The following UCHL3 variants were observed in gnomAD, a reference collection of about 807,000 sequenced individuals.
The protein encoded by UCHL3 is ubiquitin C-terminal hydrolase L3, also known as ubiquitin carboxyl-terminal hydrolase isozyme L3.
Under a neutral mutation model 35.8 loss-of-function variants are expected in UCHL3, and 22 were observed. That is an observed-to-expected ratio of 0.61 (90% CI 0.44 to 0.88). The LOEUF is 0.88. UCHL3 is among the 40% of genes least tolerant of loss of function. The probability of loss-of-function intolerance (pLI) is 0.00; values close to 1 mark genes in which losing one functional copy is unlikely to be tolerated. For synonymous variants in UCHL3, 90 were observed against 92.8 expected, an observed-to-expected ratio of 0.97 and a Z score of 0.17; for missense variants, 229 against 276.9, an observed-to-expected ratio of 0.83 and a Z score of 1.23.
intron 6 of UCHL3, among the ~76,000 whole-genome samples, chr13:75,584,932 A>T (rs2032282113): frequency 6.6e-6 from 1 of 152,124 alleles, no homozygotes; most frequent in East Asian, 1.9e-4. Context: ...GGAAAAAAAT[A>T]GTGGAAAAGA....
intron 2 of UCHL3, among the ~76,000 whole-genome samples, chr13:75,559,012 T>TCTC (rs2031388528): frequency 6.7e-6 from 1 of 150,114 alleles, no homozygotes; most frequent in African/African-American, 2.5e-5. Flanking sequence ...AGCCCATTGA[T>TCTC]CTCCTCAGCC....
Position 75,560,735 on chromosome 13 carries a change from C to A in UCHL3, c.55-18C>A. 6.5e-7 allele frequency: 1 copy of A among 1,540,310 alleles called. No homozygotes were observed. The highest frequency in any genetic ancestry group is 1.2e-5 in the South Asian group (1 of 82,156). Reference sequence around the variant, plus strand: ...ACTAATGTTCCATTGTTTTTTTTTTCTTTCTTTCTTTTACCAGTTTCTTAA... The same window carrying A: ...ACTAATGTTCCATTGTTTTTTTTTTATTTCTTTCTTTTACCAGTTTCTTAA... On this transcript the variant is annotated intron_variant, in intron 2 of 8. Transcript: ENST00000377595.
At chr13:75,569,624 T>C (rs547061762) in intron 6 of UCHL3, 117 bp downstream of exon 6, 3 of 969,078 alleles carry the variant, frequency 3.1e-6, no homozygotes, top group Non-Finnish European at 4.4e-6. Flanking sequence ...TTACTTGGCT[T>C]TTTGTTTTTT....
At chr13:75,563,282 TCTTCTGC>T (rs2031577544) in intron 3 of UCHL3, among the ~76,000 whole-genome samples, 1 of 152,170 alleles carries the variant, frequency 6.6e-6, no homozygotes, top group South Asian at 2.1e-4. Context: ...TACAAGTGAT[TCTTCTGC>T]CTCAGTCTCT....
At chr13:75,592,455 T>TAC (rs1566228215) in intron 6 of UCHL3, among the ~76,000 whole-genome samples, 2 of 109,558 alleles carry the variant, frequency 1.8e-5, no homozygotes, top group Non-Finnish European at 4.0e-5. Flanking sequence ...TATATATATA[T>TAC]ATATATATAT....
intron 5 of UCHL3, among the ~76,000 whole-genome samples, chr13:75,568,865 TAA>T (rs1294908586): frequency 6.6e-6 from 1 of 152,206 alleles, no homozygotes; most frequent in African/African-American, 2.4e-5. Flanking sequence ...TTGCTATTTA[TAA>T]AGATTGTACT....
chr13:75,549,775 G>T (rs1462323619), upstream of UCHL3: 1 of 1,059,472 alleles, frequency 9.4e-7, no homozygotes, highest in Non-Finnish European at 1.2e-6. Context: ...CGGCGGCGGC[G>T]GCGAAGGCGG....
At chr13:75,592,494 C>CTT (rs67777133) in intron 6 of UCHL3, among the ~76,000 whole-genome samples, 2 of 74,862 alleles carry the variant, frequency 2.7e-5, no homozygotes, top group East Asian at 7.3e-4. Context: ...CATCTATAGC[C>CTT]TTTTTTTTTT....
intron 6 of UCHL3, among the ~76,000 whole-genome samples, chr13:75,592,431 T>TATATATACATATATAC (rs2032511891): frequency 1.1e-5 from 1 of 89,734 alleles, no homozygotes; most frequent in African/African-American, 4.4e-5. Context: ...TATATATATA[T>TATATATACATATATAC]ATATATATAT....
At chr13:75,550,037 C>T (rs770598441) in intron 2 of UCHL3, 50 bp downstream of exon 2, 2 of 1,613,606 alleles carry the variant, frequency 1.2e-6, no homozygotes, top group South Asian at 2.2e-5. Context: ...TCTGTCTGCT[C>T]GGTCCGCTTC....
At chr13:75,570,699 A>G (rs1022436830) in intron 6 of UCHL3, among the ~76,000 whole-genome samples, 4 of 152,226 alleles carry the variant, frequency 2.6e-5, no homozygotes, top group African/African-American at 9.6e-5. Flanking sequence ...GCTTGAGGCC[A>G]GGAGTTTGAG....
chr13:75,561,550 A>G (rs2031495052), intron 3 of UCHL3, among the ~76,000 whole-genome samples: 1 of 151,744 alleles, frequency 6.6e-6, no homozygotes, highest in Non-Finnish European at 1.5e-5. Context: ...CAATATATAT[A>G]TATATAAGGA....
chr13:75,568,062 C>CTA (rs1411411864), intron 5 of UCHL3, among the ~76,000 whole-genome samples: 3 of 151,894 alleles, frequency 2.0e-5, no homozygotes, highest in Non-Finnish European at 4.4e-5. Flanking sequence ...ATAAACTAGG[C>CTA]TATATATATA....
intron 6 of UCHL3, among the ~76,000 whole-genome samples, chr13:75,584,063 G>A (rs756675550): frequency 2.6e-5 from 4 of 152,136 alleles, no homozygotes; most frequent in South Asian, 2.1e-4. Context: ...GTAGAACAAA[G>A]CCTAAAGACC....
chr13:75,561,302 C>A (rs1246015808), intron 3 of UCHL3, among the ~76,000 whole-genome samples: 6 of 151,954 alleles, frequency 3.9e-5, no homozygotes, highest in Admixed American at 3.9e-4. Flanking sequence ...ACAAATGATC[C>A]CCTTCTTGCA....
chr13:75,553,034 C>T (rs2031167855), intron 2 of UCHL3, among the ~76,000 whole-genome samples: 1 of 152,132 alleles, frequency 6.6e-6, no homozygotes, highest in Non-Finnish European at 1.5e-5. Flanking sequence ...TTTACTTTAG[C>T]ATAACTATTC....
At chr13:75,597,446 G>T (rs2032672229) in intron 7 of UCHL3, among the ~76,000 whole-genome samples, 1 of 151,904 alleles carries the variant, frequency 6.6e-6, no homozygotes, top group African/African-American at 2.4e-5. Context: ...GCTCTCTGTG[G>T]GTTCTTGCAT....
intron 3 of UCHL3, among the ~76,000 whole-genome samples, chr13:75,562,417 G>A (rs769574330): frequency 2.0e-5 from 3 of 151,922 alleles, no homozygotes; most frequent in Non-Finnish European, 4.4e-5. Flanking sequence ...GAAGAGTTGA[G>A]ACAAAAACTT....
chr13:75,587,710 A>G (rs941572634), intron 6 of UCHL3, among the ~76,000 whole-genome samples: 1 of 152,174 alleles, frequency 6.6e-6, no homozygotes, highest in Non-Finnish European at 1.5e-5. Context: ...ATTTTTTTAA[A>G]AAGAAGTTTT....
Sources: gnomAD v4.1 joint callset for allele counts (sites outside exome capture counted in the v4.1 genomes callset) on GRCh38, gnomAD v4.1.1 for gene constraint, MANE v1.5 for transcripts, NCBI Gene and HGNC (gene_info 2026-07-23, HGNC 2026-07-21) for gene names.